The following CLCN3 variants were observed in gnomAD, a reference collection of about 807,000 sequenced individuals.
CLCN3 encodes the protein H(+)/Cl(-) exchange transporter 3.
CLCN3 carries 16 observed loss-of-function variants against 83.4 expected under a neutral mutation model. That is an observed-to-expected ratio of 0.19 (90% CI 0.13 to 0.29). The LOEUF (loss-of-function observed/expected upper bound fraction) is 0.29. Among genes scored for constraint, CLCN3 ranks in the 10% least tolerant of loss-of-function variants. The probability of loss-of-function intolerance (pLI) is 1.00; values close to 1 mark genes in which losing one functional copy is unlikely to be tolerated. For synonymous variants in CLCN3, 322 were observed against 346.2 expected (o/e 0.93, Z 0.78); for missense variants, 544 against 1,006.0 (o/e 0.54, Z 6.21).
chr4:169,720,942 G>A lies in CLCN3; in HGVS notation c.*945G>A, dbSNP rs1005620492. 7.9e-5 allele frequency: 12 copies of A among 152,714 alleles called. No homozygotes were observed. The highest frequency in any genetic ancestry group is 1.2e-4 in the Non-Finnish European group (8 of 68,022). 9.5% of individuals were successfully genotyped at this position (152,714 alleles called of 1,614,324 possible). On this transcript the variant is annotated 3_prime_UTR_variant, in exon 13 of 13. Transcript: ENST00000513761. ...CTAAAACTACTACTATGATATACAA[G>A]TGCTGTTGAGCATAATTAAATAAAA...
intron 1 of CLCN3, 136 bp downstream of exon 1, chr4:169,621,199 GGATGC>G: frequency 3.2e-6 from 1 of 317,260 alleles, no homozygotes; most frequent in Non-Finnish European, 5.7e-6. Flanking sequence ...TCGTGAATTG[GGATGC>G]TAACCCATCC....
intron 2 of CLCN3, among the ~76,000 whole-genome samples, chr4:169,650,983 G>C (rs1474103851): frequency 1.3e-5 from 2 of 152,150 alleles, no homozygotes; most frequent in Non-Finnish European, 2.9e-5. Context: ...AACTAGGAAA[G>C]AAGTTGGTAT....
At chr4:169,624,732 T>A (rs929287698) in intron 1 of CLCN3, among the ~76,000 whole-genome samples, 2 of 152,208 alleles carry the variant, frequency 1.3e-5, no homozygotes, top group Non-Finnish European at 2.9e-5. Context: ...TCTGGTACAT[T>A]GTTAGCTATT....
chr4:169,653,446 C>T (rs540860578), intron 2 of CLCN3, among the ~76,000 whole-genome samples: 1 of 151,966 alleles, frequency 6.6e-6, no homozygotes, highest in African/African-American at 2.4e-5. Context: ...TAGAAACCAG[C>T]CTGGCCAATA....
intron 1 of CLCN3, among the ~76,000 whole-genome samples, chr4:169,634,781 C>T (rs1773464374): frequency 6.6e-6 from 1 of 152,048 alleles, no homozygotes; most frequent in Non-Finnish European, 1.5e-5. Context: ...GTTGTTCTTA[C>T]ACTGTGCCAG....
intron 2 of CLCN3, among the ~76,000 whole-genome samples, chr4:169,678,806 G>A (rs557396931): frequency 2.0e-5 from 3 of 152,350 alleles, no homozygotes; most frequent in Non-Finnish European, 4.4e-5. Context: ...GGAGTCTCCT[G>A]TGTCTACTTC....
At chr4:169,633,262 C>G (rs190865078) in intron 1 of CLCN3, among the ~76,000 whole-genome samples, 1 of 152,170 alleles carries the variant, frequency 6.6e-6, no homozygotes, top group African/African-American at 2.4e-5. Context: ...CCAGCTGCCT[C>G]GGCCTCCCAA....
intron 2 of CLCN3, among the ~76,000 whole-genome samples, chr4:169,679,330 G>A (rs942541797): frequency 3.3e-5 from 5 of 151,534 alleles, no homozygotes; most frequent in Admixed American, 2.0e-4. Flanking sequence ...TCCTAGACGG[G>A]ATGGCGGCGG....
chr4:169,673,186 A>G (rs1210961937), intron 2 of CLCN3, among the ~76,000 whole-genome samples: 1 of 152,204 alleles, frequency 6.6e-6, no homozygotes, highest in African/African-American at 2.4e-5. Context: ...GACAGAACAA[A>G]TTATAAGAGA....
rs1773489355 is a variant in CLCN3, at chr4:169,635,919, A to G, written c.-10A>G. ...TACTTTTTCCCCCCCACAGATAATC[A>G]GACAGCTAAATGGAGTCTGAGCAGC... is the stretch of plus-strand genomic sequence containing the variant. On this transcript the variant is annotated 5_prime_UTR_variant, in exon 2 of 13. Coordinates refer to ENST00000513761, the MANE Select transcript of CLCN3 (RefSeq NM_001829.4). 5.2e-6 allele frequency: 8 copies of G among 1,543,566 alleles called. No homozygotes were observed. The highest frequency in any genetic ancestry group is 2.3e-5 in the East Asian group (1 of 42,806).
intron 1 of CLCN3, among the ~76,000 whole-genome samples, chr4:169,634,144 C>T (rs542717669): frequency 7.9e-5 from 12 of 152,064 alleles, no homozygotes; most frequent in African/African-American, 2.7e-4. Context: ...TTACCACTTA[C>T]GATTTTTGAG....
At chr4:169,631,504 G>A (rs1294161870) in intron 1 of CLCN3, among the ~76,000 whole-genome samples, 1 of 152,080 alleles carries the variant, frequency 6.6e-6, no homozygotes, top group East Asian at 1.9e-4. Context: ...TAGCCAGGAT[G>A]GTCTTGATCT....
intron 3 of CLCN3, among the ~76,000 whole-genome samples, chr4:169,684,095 T>C (rs1353979516): frequency 1.3e-5 from 2 of 152,212 alleles, no homozygotes; most frequent in Admixed American, 6.5e-5. Flanking sequence ...AACCTAATTC[T>C]TTTTTTCCGT....
chr4:169,651,721 A>G (rs565337605), intron 2 of CLCN3, among the ~76,000 whole-genome samples: 49 of 152,318 alleles, frequency 3.2e-4, no homozygotes, highest in Non-Finnish European at 2.1e-4. Context: ...AATATTTTCA[A>G]GCCATAGTTG....
At chr4:169,668,732 T>G (rs955835563) in intron 2 of CLCN3, among the ~76,000 whole-genome samples, 3 of 120,818 alleles carry the variant, frequency 2.5e-5, no homozygotes, top group African/African-American at 6.6e-5. Flanking sequence ...AGTTTTTGAT[T>G]TTTTTTTTTT....
At chr4:169,637,872 C>T (rs1044183190) in intron 2 of CLCN3, among the ~76,000 whole-genome samples, 6 of 152,174 alleles carry the variant, frequency 3.9e-5, no homozygotes, top group Admixed American at 3.3e-4. Flanking sequence ...TAATGTACTA[C>T]AGTGACATCT....
chr4:169,687,815 C>G (rs1581251259), intron 4 of CLCN3, 58 bp downstream of exon 4: 1 of 851,958 alleles, frequency 1.2e-6, no homozygotes, highest in East Asian at 2.9e-5. Flanking sequence ...AACTGTTCTT[C>G]CCTCCTTCCC....
chr4:169,647,251 ATGG>A (rs1182664947), intron 2 of CLCN3, among the ~76,000 whole-genome samples: 1 of 152,062 alleles, frequency 6.6e-6, no homozygotes, highest in Non-Finnish European at 1.5e-5. Flanking sequence ...TTAGCTGGAC[ATGG>A]TGGTGCTTGT....
rs1733660750 is a variant in CLCN3, at chr4:169,722,198, A to T, written c.*2201A>T. 1 of 152,232 alleles carries T rather than the reference A, an allele frequency of 6.6e-6. No homozygotes were observed. The highest frequency in any genetic ancestry group is 2.4e-5 in the African/African-American group (1 of 41,462). The allele number at this position is 152,232 out of a possible 1,614,324, so 9.4% of individuals were successfully genotyped here. A position where few individuals can be genotyped will look rare whatever the true frequency, so the allele number is the denominator to read the frequency against. On this transcript the variant is annotated 3_prime_UTR_variant, in exon 13 of 13. Transcript: ENST00000513761. Reference sequence around the variant, plus strand: ...GTGATTCTTCACTTCCTAGTTCTTAATTATAGTATACCTATTAAGATCTGT... The same window carrying T: ...GTGATTCTTCACTTCCTAGTTCTTATTTATAGTATACCTATTAAGATCTGT...
Sources: gnomAD v4.1 joint callset for allele counts (sites outside exome capture counted in the v4.1 genomes callset) on GRCh38, gnomAD v4.1.1 for gene constraint, MANE v1.5 for transcripts, NCBI Gene and HGNC (gene_info 2026-07-23, HGNC 2026-07-21) for gene names.